The following TTN variants were observed in gnomAD, a reference collection of about 807,000 sequenced individuals.
The protein encoded by TTN is titin, also known as connectin.
In TTN, 1,525 loss-of-function variants were observed where a neutral mutation model predicts 3,223.0. That is an observed-to-expected ratio of 0.47 (90% CI 0.45 to 0.49). The LOEUF is 0.49. TTN is among the 20% of genes least tolerant of loss of function. The probability of loss-of-function intolerance (pLI) is 0.00; values close to 1 mark genes in which losing one functional copy is unlikely to be tolerated. For synonymous variants in TTN, 14,094 were observed against 15,161.0 expected, an observed-to-expected ratio of 0.93 and a Z score of 5.17; for missense variants, 40,786 against 43,424.0, an observed-to-expected ratio of 0.94 and a Z score of 5.40.
rs1176693683 is a variant in TTN, at chr2:178,634,318, T to C, written c.42415+48A>G. 3.8e-6 allele frequency: 6 copies of C among 1,570,152 alleles called. No homozygotes were observed. The South Asian group carries it at 4.8e-5, about 13-fold the overall frequency. On this transcript the variant is annotated intron_variant, in intron 230 of 362. Transcript: ENST00000589042. The surrounding 1 kb of genome is among the most constrained non-coding windows in gnomAD (Gnocchi z 4.6). ...TTGGCGTCCTATCTTTAAAGTCATA[T>C]ATTTGCATGCCTTTATGGGATGTCA...
rs761216688 is a variant in TTN at position 178,718,698 on chromosome 2, T to C, written c.24502A>G (p.Lys8168Glu). 1.2e-6 allele frequency: 2 copies of C among 1,612,894 alleles called. No homozygotes were observed. Among genetic ancestry groups the C allele is most frequent in the Non-Finnish European group, 1.7e-6 (2 of 1,179,180 alleles). The change falls in exon 84 of 363, where the codon AAA (lysine) becomes GAA (glutamate). Residue 8168 changes from lysine to glutamate, a missense_variant. Coordinates refer to ENST00000589042, the MANE Select transcript of TTN (RefSeq NM_001267550.2). ...TATATTGGGGGAAAGAGCAAACCTT[T>C]CACAAAAAGATGTGTGGTACAGGAA... The part of the protein sequence containing the change: ...SASCTTHLFV[K>E]EPATFVKRLA...
chr2:178,559,767 T>C lies in TTN; in HGVS notation c.86365A>G (p.Ser28789Gly). Residue 28789 changes from serine (S) to glycine (G), a missense_variant, in exon 326 of 363, where the codon AGT (serine) becomes GGT (glycine). By Grantham distance (56) the Ser-to-Gly change is moderately conservative. Transcript: ENST00000589042. ...RGRPVPNVLW[S>G]KPDTDLRTRA... Reference sequence around the variant, plus strand: ...GTACGGAGGTCAGTGTCTGGCTTACTCCACAAGACATTGGGTACTGGTCTT... The same window carrying C: ...GTACGGAGGTCAGTGTCTGGCTTACCCCACAAGACATTGGGTACTGGTCTT... 6.2e-7 allele frequency: 1 copy of C among 1,601,884 alleles called. No individual in the cohort carries two copies. Among genetic ancestry groups the C allele is most frequent in the Non-Finnish European group, 8.5e-7 (1 of 1,173,822 alleles).
chr2:178,794,472 A>G lies in TTN; in HGVS notation c.1325T>C (p.Val442Ala), dbSNP rs528684003. The G allele has an allele frequency of 1.9e-6, 3 of 1,614,228 alleles. No homozygotes were observed. The South Asian group carries it at 3.3e-5, about 18-fold the overall frequency. Reference protein sequence around the residue: ...AVDMARVREPVISAVEQTAQR... With the variant: ...AVDMARVREPAISAVEQTAQR... ...AGCAGTCTGCTCTACAGCGCTGATC[A>G]CTGGTTCTCTCACTCTGGCCATATC... is the stretch of plus-strand genomic sequence containing the variant. Residue 442 changes from valine (V) to alanine (A), a missense_variant, in exon 8 of 363, where the codon GTG (valine) becomes GCG (alanine). Transcript: ENST00000589042.
Position 178,773,409 on chromosome 2 carries a change from C to G in TTN, c.7595-40G>C, listed in dbSNP as rs561681646. The G allele has an allele frequency of 8.7e-6, 14 of 1,613,910 alleles. No individual in the cohort carries two copies. The African/African-American group carries it at 1.7e-4, about 20-fold the overall frequency. On this transcript the variant is annotated intron_variant, in intron 32 of 362. Coordinates refer to ENST00000589042, the MANE Select transcript of TTN (RefSeq NM_001267550.2). ...AAATAATCTCTTGGTTATTGTTACA[C>G]TGGGAAAGTAGAATGCTTAAAGTAA...
chr2:178,799,417 G>A, intron 6 of TTN, 70 bp downstream of exon 6: 1 of 1,610,366 alleles, frequency 6.2e-7, no homozygotes, highest in Non-Finnish European at 8.5e-7. Context: ...AGGGGGACAA[G>A]GGAATCTTTC....
rs753408795 is a variant in TTN at position 178,594,560 on chromosome 2, C to G, written c.57934G>C (p.Gly19312Arg). 1.1e-5 allele frequency: 17 copies of G among 1,613,256 alleles called. No individual in the cohort carries two copies. The highest frequency in any genetic ancestry group is 1.4e-5 in the Non-Finnish European group (17 of 1,179,470). The change falls in exon 296 of 363, where the codon GGT (glycine) becomes CGT (arginine). Residue 19312 changes from glycine to arginine, a missense_variant. By Grantham distance (125) the Gly-to-Arg change is moderately radical. Transcript: ENST00000589042. ...TLTWNPPKYD[G>R]GSEIINYVLE... ...ACATAGTTAATAATTTCTGACCCAC[C>G]ATCATACTTAGGAGGATTCCAAGTC... is the stretch of plus-strand genomic sequence containing the variant.
chr2:178,612,247 T>C, intron 266 of TTN, 30 bp downstream of exon 266: 2 of 1,607,348 alleles, frequency 1.2e-6, no homozygotes, highest in Non-Finnish European at 1.7e-6. Context: ...AGAGCACTTA[T>C]TGTCACAAAG....
Position 178,572,638 on chromosome 2 carries a change from T to A in TTN, c.73494A>T (p.Ile24498=). ...NVNRFDSGKY[I]LTVENSSGSK... ...TGCCTGAACTATTTTCTACAGTTAG[T>A]ATATATTTGCCACTGTCAAATCTGT... Residue 24498 remains isoleucine (I), a synonymous_variant, in exon 326 of 363, where the codon ATA becomes ATT. Coordinates refer to ENST00000589042, the MANE Select transcript of TTN (RefSeq NM_001267550.2). The A allele has an allele frequency of 1.9e-6, 3 of 1,613,242 alleles. No homozygotes were observed. The highest frequency in any genetic ancestry group is 1.7e-6 in the Non-Finnish European group (2 of 1,179,492).
Position 178,722,720 on chromosome 2 carries a change from G to A in TTN, c.22179C>T (p.Tyr7393=). ...CTATACTATTTTCTGCTTTGCATGT[G>A]TACTCTCCACTGTCATTGATGTTCA... ...NKVNINDSGE[Y]TCKAENSIGT... is the part of the protein sequence containing the mutation. The change falls in exon 76 of 363, where the codon TAC becomes TAT. Residue 7393 remains tyrosine (Y), a synonymous_variant. Coordinates refer to ENST00000589042, the MANE Select transcript of TTN (RefSeq NM_001267550.2). The A allele has an allele frequency of 1.2e-6, 2 of 1,613,092 alleles. No individual in the cohort carries two copies. Among genetic ancestry groups the A allele is most frequent in the Non-Finnish European group, 1.7e-6 (2 of 1,179,442 alleles).
Position 178,784,234 on chromosome 2 carries a change from C to G in TTN, c.2611G>C (p.Val871Leu). 6.2e-7 allele frequency: 1 copy of G among 1,614,148 alleles called. No individual in the cohort carries two copies. Among genetic ancestry groups the G allele is most frequent in the Non-Finnish European group, 8.5e-7 (1 of 1,180,004 alleles). Residue 871 changes from valine to leucine, a missense_variant, in exon 16 of 363, where the codon GTA (valine) becomes CTA (leucine). Physicochemically the swap from Val to Leu is conservative, Grantham distance 32 (BLOSUM62 1). Transcript: ENST00000589042. ...GGCAAGGGTGTGGGCTCTGCCCTTACTCTAGTCTCACTGGGCTTCACAGTA... is the reference window on the plus strand; with the variant it reads ...GGCAAGGGTGTGGGCTCTGCCCTTAGTCTAGTCTCACTGGGCTTCACAGTA... ...APTVKPSETR[V>L]RAEPTPLPQF...
chr2:178,782,078 C>A (rs2092826813), intron 20 of TTN, 134 bp downstream of exon 20: 4 of 1,101,358 alleles, frequency 3.6e-6, no homozygotes, highest in Non-Finnish European at 5.3e-6. Context: ...GTAAAAATAC[C>A]TCAAAACAAA....
intron 348 of TTN, 37 bp from the exon 349 acceptor site, chr2:178,542,600 C>T: frequency 1.9e-6 from 3 of 1,592,084 alleles, no homozygotes; most frequent in Non-Finnish European, 2.6e-6. Flanking sequence ...TTAATTTTTA[C>T]TTCAAATCAA....
chr2:178,613,887 C>A lies in TTN; in HGVS notation c.49396G>T (p.Ala16466Ser). The change falls in exon 263 of 363, where the codon GCA becomes TCA. Residue 16466 changes from alanine to serine, a missense_variant. Ala to Ser is a moderately conservative substitution (Grantham distance 99). Transcript: ENST00000589042. ...RLEPSDITKD[A>S]VTLTWCEPDD... The stretch of plus-strand genomic sequence containing the variant: ...GGCTCACACCATGTGAGAGTCACTG[C>A]GTCTTTAGTGATATCAGAAGGTTCT... The A allele has an allele frequency of 6.2e-7, 1 of 1,610,702 alleles. No homozygotes were observed. The highest frequency in any genetic ancestry group is 1.3e-5 in the African/African-American group (1 of 74,870).
At position 178,756,205 on chromosome 2, in the gene TTN, G is replaced by A; in HGVS notation, c.11254+17C>T. 21 of 1,566,466 alleles carry A rather than the reference G, an allele frequency of 1.3e-5. No homozygotes were observed. The highest frequency in any genetic ancestry group is 1.8e-5 in the Non-Finnish European group (21 of 1,146,734). On this transcript the variant is annotated intron_variant, in intron 46 of 362. Coordinates refer to ENST00000589042, the MANE Select transcript of TTN (RefSeq NM_001267550.2). Reference sequence around the variant, plus strand: ...TGAGGATGAAATGAAGCAAGTCATAGCTAAAAATCAATTAACCACCTTCTA... The same window carrying A: ...TGAGGATGAAATGAAGCAAGTCATAACTAAAAATCAATTAACCACCTTCTA...
intron 1 of TTN, among the ~76,000 whole-genome samples, chr2:178,805,204 C>A (rs111692972): frequency 6.6e-6 from 1 of 151,572 alleles, no homozygotes; most frequent in African/African-American, 2.4e-5. Context: ...ATTAGCCAGG[C>A]GTGGTGGCCC....
chr2:178,719,617 A>G lies in TTN; in HGVS notation c.23875T>C (p.Tyr7959His), dbSNP rs1056651296. ...ACACTGTTTTTCACTTCAAAGCTAT[A>G]TAATCCTTTGTCACTCATTTCGGCA... ...PCAEMSDKGL[Y>H]SFEVKNSVGK... The change falls in exon 82 of 363, where the codon TAT (tyrosine) becomes CAT (histidine). Residue 7959 changes from tyrosine (Y) to histidine (H), a missense_variant. By Grantham distance (83) the Tyr-to-His change is moderately conservative. Coordinates refer to ENST00000589042, the MANE Select transcript of TTN (RefSeq NM_001267550.2). The G allele has an allele frequency of 6.2e-7, 1 of 1,613,720 alleles. No individual in the cohort carries two copies. The highest frequency in any genetic ancestry group is 8.5e-7 in the Non-Finnish European group (1 of 1,179,702).
In TTN at chr2:178,769,676, T is replaced by TA. The variant is rs2091172782; in HGVS notation, c.8902+2dup. ...ATATATATATATATATTTTTTAACT[T>TA]ACGGGTGACTGTCAGGGTGGCACTG... On this transcript the variant is annotated splice_region_variant and intron_variant, in intron 37 of 362. Transcript: ENST00000589042. 6.2e-7 allele frequency: 1 copy of TA among 1,611,640 alleles called. No individual in the cohort carries two copies. Among genetic ancestry groups the TA allele is most frequent in the African/African-American group, 1.3e-5 (1 of 74,758 alleles).
chr2:178,785,678 G>A lies in TTN; in HGVS notation c.2435C>T (p.Ala812Val), dbSNP rs372040052. The A allele has an allele frequency of 6.2e-7, 1 of 1,614,172 alleles. No individual in the cohort carries two copies. The highest frequency in any genetic ancestry group is 8.5e-7 in the Non-Finnish European group (1 of 1,180,016). Residue 812 changes from alanine (A) to valine (V), a missense_variant, in exon 15 of 363, where the codon GCT becomes GTT. Physicochemically the swap from Ala to Val is moderately conservative, Grantham distance 64. Coordinates refer to ENST00000589042, the MANE Select transcript of TTN (RefSeq NM_001267550.2). The stretch of plus-strand genomic sequence containing the variant: ...TTTTGAAACAGTAAAGTGAGGGCTA[G>A]CTGTGCGGGGGCGTTTATCCACATG... Reference protein sequence around the residue: ...LVHVDKRPRTASPHFTVSKIS... With the variant: ...LVHVDKRPRTVSPHFTVSKIS...
chr2:178,603,682 G>A (rs1454753187), intron 282 of TTN, among the ~76,000 whole-genome samples, 194 bp downstream of exon 282: 4 of 151,840 alleles, frequency 2.6e-5, no homozygotes, highest in Admixed American at 2.0e-4. Context: ...ATGTATGTGT[G>A]TATGTATATA....
Sources: allele counts gnomAD v4.1 joint callset (sites outside exome capture counted in the v4.1 genomes callset), GRCh38; gene constraint gnomAD v4.1.1; non-coding constraint Gnocchi (gnomAD v3.1); transcripts MANE v1.5; gene names NCBI Gene and HGNC (gene_info 2026-07-23, HGNC 2026-07-21).